APPBP2: variants seen among roughly 807,000 people sequenced by gnomAD.
The protein encoded by APPBP2 is amyloid beta precursor protein binding protein 2, also known as amyloid protein-binding protein 2.
APPBP2 carries 15 observed loss-of-function variants against 76.0 expected under a neutral mutation model. That is an observed-to-expected ratio of 0.20 (90% CI 0.13 to 0.30). The LOEUF (loss-of-function observed/expected upper bound fraction) is 0.30. Among genes scored for constraint, APPBP2 ranks in the 10% least tolerant of loss-of-function variants. The pLI is 1.00. For missense variants in APPBP2, 401 were observed against 687.2 expected (o/e 0.58, Z 4.66); for synonymous variants, 222 against 242.2 (o/e 0.92, Z 0.77).
At chr17:60,457,186 CACA>C (rs2143303635) in intron 9 of APPBP2, among the ~76,000 whole-genome samples, 1 of 150,980 alleles carries the variant, frequency 6.6e-6, no homozygotes, top group East Asian at 1.9e-4. Flanking sequence ...TACTCTTCTT[CACA>C]ACATGTATTC....
At position 60,466,545 on chromosome 17, in the gene APPBP2, T is replaced by A. The variant is rs966721571; in HGVS notation, c.504-86A>T. 8 of 1,291,958 alleles carry A rather than the reference T, an allele frequency of 6.2e-6. No homozygotes were observed. The Admixed American group carries it at 1.7e-4, about 27-fold the overall frequency. 80.0% of individuals were successfully genotyped at this position (1,291,958 alleles called of 1,614,324 possible). ...CCTCTTACCAATCACCTGAATGACT[T>A]AAGGTAATTAAATACAATTACAAGG... On this transcript the variant is annotated intron_variant, in intron 4 of 12. Coordinates refer to ENST00000083182, the MANE Select transcript of APPBP2 (RefSeq NM_006380.5).
intron 3 of APPBP2, among the ~76,000 whole-genome samples, chr17:60,491,409 ATTTATTTTTATTTT>A (rs1470766129): frequency 6.6e-5 from 10 of 152,064 alleles, no homozygotes; most frequent in South Asian, 4.1e-4. Context: ...GCATTGTCTC[ATTTATTTTTATTTT>A]TTTATTTTTA....
Position 60,500,394 on chromosome 17 carries a change from T to C in APPBP2, c.227+5A>G. ...TATTTTACAATTTTTTAAAAAAGAATTTACCTTTTATCCAAAGCTCTCAGT... is the reference window on the plus strand; with the variant it reads ...TATTTTACAATTTTTTAAAAAAGAACTTACCTTTTATCCAAAGCTCTCAGT... On this transcript the variant is annotated splice_donor_5th_base_variant and intron_variant, in intron 2 of 12. Transcript: ENST00000083182. 6.3e-7 allele frequency: 1 copy of C among 1,578,640 alleles called. No individual in the cohort carries two copies. The highest frequency in any genetic ancestry group is 8.6e-7 in the Non-Finnish European group (1 of 1,159,616).
chr17:60,445,756 C>T lies in APPBP2; in HGVS notation c.*1825G>A, dbSNP rs946177464. ...TAAACTGCAAGTACGTCAATTTACT[C>T]TTTCCAAAATTTAAAAAGAAAATAA... On this transcript the variant is annotated 3_prime_UTR_variant, in exon 13 of 13. Coordinates refer to ENST00000083182, the MANE Select transcript of APPBP2 (RefSeq NM_006380.5). The T allele has an allele frequency of 3.9e-5, 6 of 152,132 alleles. No homozygotes were observed. The highest frequency in any genetic ancestry group is 7.3e-5 in the Non-Finnish European group (5 of 68,030). 9.4% of individuals were successfully genotyped at this position (152,132 alleles called of 1,614,324 possible). A position where few individuals can be genotyped will look rare whatever the true frequency, so the allele number is the denominator to read the frequency against.
intron 1 of APPBP2, 102 bp from the exon 2 acceptor site, chr17:60,500,589 C>T: frequency 4.8e-6 from 4 of 827,372 alleles, no homozygotes; most frequent in Non-Finnish European, 7.8e-6. Flanking sequence ...AGGAAAGATG[C>T]TTATGTTAAG....
intron 1 of APPBP2, among the ~76,000 whole-genome samples, chr17:60,505,367 G>C (rs571453461): frequency 2.0e-5 from 3 of 152,246 alleles, no homozygotes; most frequent in Non-Finnish European, 4.4e-5. Flanking sequence ...CTAGGTTGGA[G>C]TGCAGTGGCA....
intron 2 of APPBP2, 114 bp from the exon 3 acceptor site, chr17:60,494,731 G>C: frequency 9.9e-7 from 1 of 1,014,470 alleles, no homozygotes; most frequent in South Asian, 2.0e-5. Flanking sequence ...GACGGAATAA[G>C]ATAAAAAGCA....
chr17:60,502,257 T>C (rs2090828949), intron 1 of APPBP2, among the ~76,000 whole-genome samples: 1 of 152,184 alleles, frequency 6.6e-6, no homozygotes, highest in East Asian at 1.9e-4. Flanking sequence ...AGGACTCTGT[T>C]TTCTGCTATA....
At chr17:60,499,554 A>C (rs2090805554) in intron 2 of APPBP2, among the ~76,000 whole-genome samples, 1 of 152,184 alleles carries the variant, frequency 6.6e-6, no homozygotes, top group South Asian at 2.1e-4. Flanking sequence ...CAGCAATTCA[A>C]CTTCTGAGTA....
At chr17:60,511,096 T>C (rs1042222750) in intron 1 of APPBP2, among the ~76,000 whole-genome samples, 2 of 152,164 alleles carry the variant, frequency 1.3e-5, no homozygotes, top group African/African-American at 4.8e-5. Context: ...ACAGCACAAA[T>C]GGAAGTTCAA....
chr17:60,482,173 G>A (rs1024480373), intron 3 of APPBP2, among the ~76,000 whole-genome samples: 2 of 152,126 alleles, frequency 1.3e-5, no homozygotes, highest in African/African-American at 2.4e-5. Flanking sequence ...GAGCCACCGC[G>A]TCCGGCCGGG....
At chr17:60,524,610 GAAAA>G (rs35185909) in intron 1 of APPBP2, among the ~76,000 whole-genome samples, 619 of 49,828 alleles carry the variant, frequency 0.012, 5 homozygotes, top group African/African-American at 0.026. Context: ...TGCTAATTCT[GAAAA>G]AAAAAAAAAA....
chr17:60,461,651 A>G (rs1040138353), intron 8 of APPBP2, 159 bp downstream of exon 8: 10 of 523,552 alleles, frequency 1.9e-5, no homozygotes, highest in Non-Finnish European at 3.4e-5. Context: ...TAACTTTTAC[A>G]CCTTCTAGGT....
chr17:60,477,961 A>G (rs2090602865), intron 4 of APPBP2, among the ~76,000 whole-genome samples: 2 of 152,046 alleles, frequency 1.3e-5, no homozygotes, highest in African/African-American at 4.8e-5. Flanking sequence ...GCGATACAGC[A>G]AAACACCATT....
chr17:60,463,773 A>G (rs2090491746), intron 6 of APPBP2, among the ~76,000 whole-genome samples: 1 of 152,240 alleles, frequency 6.6e-6, no homozygotes, highest in African/African-American at 2.4e-5. Flanking sequence ...ACTTTAGTGC[A>G]CTGAAACAAT....
chr17:60,525,654 G>T, intron 1 of APPBP2, 140 bp downstream of exon 1: 1 of 1,322,434 alleles, frequency 7.6e-7, no homozygotes, highest in Non-Finnish European at 1.0e-6. Flanking sequence ...CACTGGCAAT[G>T]CAGACACCGC....
At position 60,445,048 on chromosome 17, in the gene APPBP2, T is replaced by C. The variant is rs2090334747; in HGVS notation, c.*2533A>G. ...GCACACATCTAACTTATCCTAAACATCCCTACTTAAAGGATGAATCTTACA... is the reference window on the plus strand; with the variant it reads ...GCACACATCTAACTTATCCTAAACACCCCTACTTAAAGGATGAATCTTACA... On this transcript the variant is annotated 3_prime_UTR_variant, in exon 13 of 13. Transcript: ENST00000083182. 6.6e-6 allele frequency: 1 copy of C among 152,166 alleles called. No individual in the cohort carries two copies. The highest frequency in any genetic ancestry group is 1.9e-4 in the East Asian group (1 of 5,198). 9.4% of individuals were successfully genotyped at this position (152,166 alleles called of 1,614,324 possible).
At chr17:60,508,905 T>A (rs1411412480) in intron 1 of APPBP2, among the ~76,000 whole-genome samples, 2 of 152,118 alleles carry the variant, frequency 1.3e-5, no homozygotes, top group African/African-American at 4.8e-5. Context: ...AAATCTAGAC[T>A]TCAGGAAACT....
rs757281167 is a variant in APPBP2, at chr17:60,466,387, A to G, written c.576T>C (p.Tyr192=). 1.9e-6 allele frequency: 3 copies of G among 1,613,958 alleles called. No homozygotes were observed. Among genetic ancestry groups the G allele is most frequent in the East Asian group, 4.5e-5 (2 of 44,868 alleles). ...GGCCATGTTTTGATAGTTTATCCAT[A>G]TATGTCTGAGCTAATTTAAATGTTT... The part of the protein sequence containing the change: ...GEETFKLAQT[Y]MDKLSKHGQQ... Residue 192 remains tyrosine, a synonymous_variant, in exon 5 of 13, where the codon TAT becomes TAC. Coordinates refer to ENST00000083182, the MANE Select transcript of APPBP2 (RefSeq NM_006380.5).
Sources: gnomAD v4.1 joint callset for allele counts (sites outside exome capture counted in the v4.1 genomes callset) on GRCh38, gnomAD v4.1.1 for gene constraint, MANE v1.5 for transcripts, NCBI Gene and HGNC (gene_info 2026-07-23, HGNC 2026-07-21) for gene names.